BPGM: variants seen among roughly 807,000 people sequenced by gnomAD.
The protein encoded by BPGM is 2,3-bisphosphoglycerate mutase, erythrocyte.
Under a neutral mutation model 21.6 loss-of-function variants are expected in BPGM, and 15 were observed. The observed-to-expected ratio is 0.70, with a 90% confidence interval of 0.47 to 1.07. The LOEUF is 1.07. Ranked by LOEUF, BPGM falls within the 50% of genes least tolerant of loss-of-function variation. The pLI is 0.00. For missense variants in BPGM, 273 were observed against 319.0 expected, an observed-to-expected ratio of 0.86 and a Z score of 1.10; for synonymous variants, 113 against 116.2, an observed-to-expected ratio of 0.97 and a Z score of 0.18.
At chr7:134,658,604 A>G (rs1369783721) in intron 1 of BPGM, 1 of 152,206 alleles carries the variant, frequency 6.6e-6, no homozygotes, top group Non-Finnish European at 1.5e-5. Context: ...ACACTGGGTA[A>G]ATCAGCTCCT....
At chr7:134,670,494 A>G (rs1156751745) in intron 2 of BPGM, among the ~76,000 whole-genome samples, 2 of 152,228 alleles carry the variant, frequency 1.3e-5, no homozygotes, top group Admixed American at 6.5e-5. Flanking sequence ...TTTTAACTAT[A>G]AAATTAAACG....
intron 1 of BPGM, among the ~76,000 whole-genome samples, chr7:134,648,273 T>C (rs984675861): frequency 6.6e-6 from 1 of 151,614 alleles, no homozygotes; most frequent in Non-Finnish European, 1.5e-5. Flanking sequence ...GTAGCTGGGA[T>C]TACAGGCATG....
chr7:134,649,320 C>T (rs1403169819), intron 1 of BPGM, among the ~76,000 whole-genome samples: 4 of 152,064 alleles, frequency 2.6e-5, no homozygotes, highest in African/African-American at 7.2e-5. Flanking sequence ...TGGAGCATAC[C>T]GAAGTATAAT....
intron 1 of BPGM, among the ~76,000 whole-genome samples, chr7:134,656,009 G>C (rs7797149): frequency 0.099 from 15,112 of 152,128 alleles, 1,154 homozygotes; most frequent in African/African-American, 0.2. Context: ...CTTCCCAATG[G>C]GTGAAGAGGA....
Position 134,679,329 on chromosome 7 carries a change from T to C in BPGM, c.*298T>C, listed in dbSNP as rs1396586620. 3.5e-5 allele frequency: 14 copies of C among 402,976 alleles called. No homozygotes were observed. The East Asian group carries it at 7.0e-4, about 20-fold the overall frequency. 25.0% of individuals were successfully genotyped at this position (402,976 alleles called of 1,614,324 possible). On this transcript the variant is annotated 3_prime_UTR_variant, in exon 3 of 3. Coordinates refer to ENST00000344924, the MANE Select transcript of BPGM (RefSeq NM_001724.5). ...GAGATGGGAGAGCAACAAGTAGAGA[T>C]GAAGTTAAAGGTATTTATCATTCAA...
chr7:134,662,283 TC>T (rs1795748794), intron 2 of BPGM, among the ~76,000 whole-genome samples, 175 bp downstream of exon 2: 18 of 152,332 alleles, frequency 1.2e-4, no homozygotes, highest in Admixed American at 1.1e-3. Context: ...TGTTTTCTGT[TC>T]CTGTTACCCG....
intron 2 of BPGM, among the ~76,000 whole-genome samples, chr7:134,673,597 A>G (rs1795940461): frequency 6.6e-6 from 1 of 152,196 alleles, no homozygotes; most frequent in South Asian, 2.1e-4. Flanking sequence ...ACCCCTAAAC[A>G]TGGCCCATCA....
chr7:134,651,080 G>A (rs1795548676), intron 1 of BPGM, among the ~76,000 whole-genome samples: 1 of 152,148 alleles, frequency 6.6e-6, no homozygotes, highest in Non-Finnish European at 1.5e-5. Flanking sequence ...TTGCAGTGGG[G>A]GTTAAAAGTT....
rs147434044 is a variant in BPGM, at chr7:134,670,233, G to C, written c.601+8125G>C. 3.4e-3 allele frequency among the ~76,000 whole-genome samples: 519 copies of C among 152,314 alleles called. 3 individuals carry two copies. The highest frequency in any genetic ancestry group is 0.012 in the African/African-American group (491 of 41,568). On this transcript the variant is annotated intron_variant, in intron 2 of 2. Coordinates refer to ENST00000344924, the MANE Select transcript of BPGM (RefSeq NM_001724.5). The stretch of plus-strand genomic sequence containing the variant: ...CTTGATCCCTGAAGACCTGTGTGCA[G>C]CTGCATACATAGCAAGGCACAGAAG...
rs186336591 is a variant in BPGM, at chr7:134,657,359, G to A, written c.-61-4088G>A. ...CCTGACATGCTCAAGGAAATAAAAC[G>A]AAAGCCTTGCAGGTCACATGAAGGA... is the stretch of plus-strand genomic sequence containing the variant. On this transcript the variant is annotated intron_variant, in intron 1 of 2. Transcript: ENST00000344924. 2.5e-3 allele frequency among the ~76,000 whole-genome samples: 383 copies of A among 152,272 alleles called. 1 individual carries two copies. Among genetic ancestry groups the A allele is most frequent in the Middle Eastern group, 0.01 (3 of 294 alleles).
At chr7:134,677,251 T>TTTTC (rs138990312) in intron 2 of BPGM, among the ~76,000 whole-genome samples, 5,644 of 152,094 alleles carry the variant, frequency 0.037, 158 homozygotes, top group East Asian at 0.12. Flanking sequence ...TGTGTGTTTC[T>TTTTC]TTTCTTTCTT....
At chr7:134,678,829 G>A in intron 2 of BPGM, 24 bp from the exon 3 acceptor site, 1 of 1,606,032 alleles carries the variant, frequency 6.2e-7, no homozygotes, top group Non-Finnish European at 8.5e-7. Flanking sequence ...TTAACACCTG[G>A]TCTCTTCCTG....
chr7:134,665,952 A>G (rs1236303848), intron 2 of BPGM, among the ~76,000 whole-genome samples: 1 of 151,988 alleles, frequency 6.6e-6, no homozygotes, highest in Non-Finnish European at 1.5e-5. Flanking sequence ...ATCTTGGCCC[A>G]CTGCAACCTT....
At chr7:134,667,663 A>G (rs1354561701) in intron 2 of BPGM, among the ~76,000 whole-genome samples, 1 of 152,194 alleles carries the variant, frequency 6.6e-6, no homozygotes, top group Non-Finnish European at 1.5e-5. Flanking sequence ...ATTTCTTTGC[A>G]TTTATTATAA....
In BPGM at chr7:134,679,088, A is replaced by T; in HGVS notation, c.*57A>T. 1 of 1,573,518 alleles carries T rather than the reference A, an allele frequency of 6.4e-7. No homozygotes were observed. The highest frequency in any genetic ancestry group is 8.7e-7 in the Non-Finnish European group (1 of 1,147,632). ...AAAAGAAGTGGCATAGGAGTGTGTTATGGGTGCTGAACTCTCTCTCTTTTT... is the reference window on the plus strand; with the variant it reads ...AAAAGAAGTGGCATAGGAGTGTGTTTTGGGTGCTGAACTCTCTCTCTTTTT... On this transcript the variant is annotated 3_prime_UTR_variant, in exon 3 of 3. Transcript: ENST00000344924.
chr7:134,654,335 G>T (rs1239822582), intron 1 of BPGM, among the ~76,000 whole-genome samples: 1 of 152,156 alleles, frequency 6.6e-6, no homozygotes, highest in Non-Finnish European at 1.5e-5. Flanking sequence ...GTGAGAAAAG[G>T]GTTTCCAAGA....
intron 2 of BPGM, among the ~76,000 whole-genome samples, chr7:134,674,451 T>A (rs567229763): frequency 6.6e-6 from 1 of 152,328 alleles, no homozygotes; most frequent in Admixed American, 6.5e-5. Flanking sequence ...ATCTACTTTG[T>A]GTCACTATAG....
intron 1 of BPGM, among the ~76,000 whole-genome samples, chr7:134,650,977 G>A (rs180906866): frequency 6.6e-6 from 1 of 152,278 alleles, no homozygotes; most frequent in East Asian, 1.9e-4. Context: ...CATTTCCCTT[G>A]AGACCTGTTC....
intron 1 of BPGM, among the ~76,000 whole-genome samples, chr7:134,657,280 G>T (rs1425571335): frequency 1.3e-5 from 2 of 152,200 alleles, no homozygotes; most frequent in African/African-American, 4.8e-5. Flanking sequence ...GAGATGAAGG[G>T]TGAGTGTTCT....
Sources: gnomAD v4.1 joint callset for allele counts (sites outside exome capture counted in the v4.1 genomes callset) on GRCh38, gnomAD v4.1.1 for gene constraint, MANE v1.5 for transcripts, NCBI Gene and HGNC (gene_info 2026-07-23, HGNC 2026-07-21) for gene names.